QKI: variants seen among roughly 807,000 people sequenced by gnomAD.
QKI encodes the protein QKI, KH domain containing RNA binding.
In QKI, 10 loss-of-function variants were observed where a neutral mutation model predicts 39.0. That is an observed-to-expected ratio of 0.26 (90% CI 0.16 to 0.43). The LOEUF (loss-of-function observed/expected upper bound fraction) is 0.43, where lower values mean the gene tolerates loss of function less well. QKI is among the 20% of genes least tolerant of loss of function. The pLI, the probability that QKI is intolerant of heterozygous loss-of-function variation, is 1.00. For missense variants in QKI, 218 were observed against 428.0 expected, an observed-to-expected ratio of 0.51 and a Z score of 4.33; for synonymous variants, 204 against 155.4, an observed-to-expected ratio of 1.31 and a Z score of -2.33.
At chr6:163,419,562 A>G (rs1021570111) in intron 1 of QKI, among the ~76,000 whole-genome samples, 4 of 152,196 alleles carry the variant, frequency 2.6e-5, no homozygotes, top group Non-Finnish European at 4.4e-5. Flanking sequence ...GCTACTATTT[A>G]TAATCACTTC....
intron 4 of QKI, among the ~76,000 whole-genome samples, chr6:163,538,470 A>C (rs1781329046): frequency 6.6e-6 from 1 of 152,114 alleles, no homozygotes; most frequent in Non-Finnish European, 1.5e-5. Context: ...GGGTCCAGTG[A>C]GGAGCTTAAT....
chr6:163,542,329 A>G (rs535455267), intron 4 of QKI, among the ~76,000 whole-genome samples: 23 of 152,148 alleles, frequency 1.5e-4, no homozygotes, highest in African/African-American at 5.1e-4. Context: ...TACATATTCT[A>G]TGATCTTTTG....
intron 7 of QKI, chr6:163,570,222 T>C: frequency 1.0e-6 from 1 of 982,560 alleles, no homozygotes; most frequent in African/African-American, 1.7e-5. Flanking sequence ...TTTCTGTTAA[T>C]CATCAGTTAT....
chr6:163,564,582 TAAAATC>T, intron 6 of QKI: 1 of 1,603,906 alleles, frequency 6.2e-7, no homozygotes, highest in East Asian at 2.2e-5. Context: ...AGGCAGAAAT[TAAAATC>T]ATAATATAAA....
rs961607376 is a variant in QKI at position 163,431,809 on chromosome 6, A to AC, written c.142+16474_142+16475insC. Among the ~76,000 whole-genome samples, 11 of 133,896 alleles carry AC rather than the reference A, an allele frequency of 8.2e-5. No homozygotes were observed. The East Asian group carries it at 1.1e-3, about 14-fold the overall frequency. 87.8% of individuals were successfully genotyped at this position (133,896 alleles called of 152,430 possible). A position where few individuals can be genotyped will look rare whatever the true frequency, so the allele number is the denominator to read the frequency against. ...GCCCTAAAGATTTTTGTAAAAAAAA[A>AC]AAAACAAAAAACTGTTCTTATTAAA... On this transcript the variant is annotated intron_variant, in intron 1 of 7. Transcript: ENST00000361752.
chr6:163,444,859 T>C (rs148964710), intron 1 of QKI, among the ~76,000 whole-genome samples: 2 of 152,210 alleles, frequency 1.3e-5, no homozygotes, highest in East Asian at 3.9e-4. Flanking sequence ...ATTTCCCCCC[T>C]TCCCTCATTA....
intron 3 of QKI, among the ~76,000 whole-genome samples, chr6:163,504,913 C>A (rs546719894): frequency 1.5e-4 from 23 of 152,174 alleles, no homozygotes; most frequent in Non-Finnish European, 2.4e-4. Flanking sequence ...TGAATCCAAG[C>A]ATACTATTAA....
chr6:163,522,817 C>G (rs1780243438), intron 3 of QKI, among the ~76,000 whole-genome samples: 1 of 152,142 alleles, frequency 6.6e-6, no homozygotes, highest in African/African-American at 2.4e-5. Flanking sequence ...TTTGTCACTG[C>G]TTTTCAGTGA....
intron 1 of QKI, among the ~76,000 whole-genome samples, chr6:163,441,475 A>T (rs1043524647): frequency 1.3e-5 from 2 of 152,206 alleles, no homozygotes; most frequent in Non-Finnish European, 2.9e-5. Flanking sequence ...AAGGATGTAG[A>T]TGTTACAAAT....
At chr6:163,469,719 G>T (rs1323596282) in intron 2 of QKI, among the ~76,000 whole-genome samples, 2 of 152,158 alleles carry the variant, frequency 1.3e-5, no homozygotes, top group Admixed American at 1.3e-4. Flanking sequence ...CAGGTTGGAG[G>T]AGTGGGGAAG....
chr6:163,475,450 T>G (rs1032828503), intron 2 of QKI, among the ~76,000 whole-genome samples: 1 of 152,164 alleles, frequency 6.6e-6, no homozygotes, highest in Admixed American at 6.5e-5. Flanking sequence ...ATATTGGAGG[T>G]TGTGCATAGG....
At chr6:163,564,045 C>A in intron 6 of QKI, 1 of 1,130,124 alleles carries the variant, frequency 8.8e-7, no homozygotes, top group Non-Finnish European at 1.1e-6. Flanking sequence ...CCCGTCACCT[C>A]CATCAGCTCC....
intron 3 of QKI, among the ~76,000 whole-genome samples, chr6:163,507,450 A>G (rs998336999): frequency 6.6e-6 from 1 of 152,218 alleles, no homozygotes; most frequent in Non-Finnish European, 1.5e-5. Context: ...GAAGGAAGGA[A>G]GTTAGTACAC....
intron 6 of QKI, 22 bp downstream of exon 6, chr6:163,563,741 G>A: frequency 1.9e-6 from 3 of 1,591,362 alleles, no homozygotes; most frequent in South Asian, 1.1e-5. Context: ...TCCCCATGGG[G>A]TTAACAACAT....
intron 1 of QKI, among the ~76,000 whole-genome samples, chr6:163,441,630 T>C (rs1257374854): frequency 2.0e-5 from 3 of 152,154 alleles, no homozygotes; most frequent in Non-Finnish European, 4.4e-5. Context: ...ATCTGGAGTG[T>C]TCCTATGGAT....
At chr6:163,564,017 T>TTTTTTTA in intron 6 of QKI, 1 of 1,203,344 alleles carries the variant, frequency 8.3e-7, no homozygotes, top group South Asian at 3.1e-5. Flanking sequence ...TTCTGAGTTT[T>TTTTTTTA]AGGTCCCACC....
At chr6:163,441,640 T>C (rs2128215016) in intron 1 of QKI, among the ~76,000 whole-genome samples, 1 of 152,278 alleles carries the variant, frequency 6.6e-6, no homozygotes, top group African/African-American at 2.4e-5. Flanking sequence ...TTCCTATGGA[T>C]TGAGGCAAGT....
intron 1 of QKI, among the ~76,000 whole-genome samples, chr6:163,444,319 AC>A (rs1427054693): frequency 2.6e-5 from 4 of 152,202 alleles, no homozygotes; most frequent in African/African-American, 9.7e-5. Context: ...AGAAAATGAG[AC>A]CCAGAAGGTT....
At position 163,570,589 on chromosome 6, in the gene QKI, T is replaced by G. The variant is rs996186357; in HGVS notation, c.1010-105T>G. ...TGCTTTTTTTTTTATTAGTTGTGAT[T>G]AGTTTTTCATGTTGTCATTAAGCCG... On this transcript the variant is annotated intron_variant, in intron 7 of 7. Transcript: ENST00000361752. The G allele has an allele frequency of 4.8e-5, 75 of 1,562,142 alleles. 1 individual carries two copies. The South Asian group carries it at 8.0e-4, about 17-fold the overall frequency.
Sources: allele counts gnomAD v4.1 joint callset (sites outside exome capture counted in the v4.1 genomes callset), GRCh38; gene constraint gnomAD v4.1.1; transcripts MANE v1.5; gene names NCBI Gene and HGNC (gene_info 2026-07-23, HGNC 2026-07-21).